Variants in SLC35D1 observed in about 807,000 individuals in gnomAD.
SLC35D1 encodes nucleotide sugar transporter SLC35D1.
In SLC35D1, 31 loss-of-function variants were observed where a neutral mutation model predicts 46.7. The observed-to-expected ratio is 0.66, with a 90% CI of 0.50 to 0.90. The LOEUF is 0.90. SLC35D1 is among the 40% of genes least tolerant of loss of function. The pLI is 0.00. For synonymous variants in SLC35D1, 195 were observed against 164.6 expected, an observed-to-expected ratio of 1.18 and a Z score of -1.41; for missense variants, 397 against 426.2, an observed-to-expected ratio of 0.93 and a Z score of 0.60.
At chr1:67,007,222 A>G (rs1018022691) in intron 11 of SLC35D1, among the ~76,000 whole-genome samples, 5 of 152,144 alleles carry the variant, frequency 3.3e-5, no homozygotes, top group Non-Finnish European at 7.4e-5. Flanking sequence ...AAACAACAGA[A>G]ATTTATTTCT....
At chr1:66,997,116 C>T (rs1256159158), downstream of SLC35D1, among the ~76,000 whole-genome samples, 1 of 152,128 alleles carries the variant, frequency 6.6e-6, no homozygotes, top group African/African-American at 2.4e-5. Flanking sequence ...AACTGGACTA[C>T]ATACAAATTT....
the SLC35D1 span, chr1:66,985,398 A>AAT: frequency 1.0e-6 from 1 of 983,634 alleles, no homozygotes; most frequent in Non-Finnish European, 1.2e-6. Context: ...TATCTTTATT[A>AAT]AGGAAACCCT....
the SLC35D1 span, among the ~76,000 whole-genome samples, chr1:66,990,920 C>T: frequency 6.6e-6 from 1 of 152,158 alleles, no homozygotes; most frequent in African/African-American, 2.4e-5. Context: ...CACATCCAAG[C>T]ACAGTGCCTC....
chr1:66,976,619 T>C, the SLC35D1 span: 1 of 1,601,422 alleles, frequency 6.2e-7, no homozygotes, highest in Non-Finnish European at 8.5e-7. Context: ...AGTTGGTGAA[T>C]GTGTAGCATT....
chr1:67,041,890 C>A (rs1645191860), intron 8 of SLC35D1, among the ~76,000 whole-genome samples: 1 of 152,092 alleles, frequency 6.6e-6, no homozygotes, highest in Non-Finnish European at 1.5e-5. Context: ...TTTACTATTT[C>A]AAGATTTTTG....
intron 8 of SLC35D1, among the ~76,000 whole-genome samples, chr1:67,041,781 A>G (rs77650521): frequency 0.056 from 8,446 of 149,978 alleles, 289 homozygotes; most frequent in African/African-American, 0.1. Context: ...ATCTCCTGAG[A>G]AAAAAAAAAC....
chr1:67,024,474 A>C (rs1667876760), intron 8 of SLC35D1, among the ~76,000 whole-genome samples: 1 of 152,174 alleles, frequency 6.6e-6, no homozygotes, highest in African/African-American at 2.4e-5. Flanking sequence ...AGCTGCCATA[A>C]CAAAGCACCA....
chr1:66,985,772 T>C, the SLC35D1 span: 2 of 948,862 alleles, frequency 2.1e-6, no homozygotes, highest in Non-Finnish European at 2.5e-6. Context: ...TTAAGTCATA[T>C]TTCTTATCCA....
At chr1:67,030,957 G>A (rs989950583) in intron 8 of SLC35D1, among the ~76,000 whole-genome samples, 2 of 152,120 alleles carry the variant, frequency 1.3e-5, no homozygotes, top group African/African-American at 2.4e-5. Context: ...CCCAGAAGAC[G>A]GGTAACTTAC....
chr1:66,976,806 T>A, the SLC35D1 span: 1 of 1,214,292 alleles, frequency 8.2e-7, no homozygotes, highest in Non-Finnish European at 1.1e-6. Flanking sequence ...ATTATTTTGA[T>A]AATCTTGCTT....
chr1:67,010,994 A>C (rs1185504536), intron 10 of SLC35D1, among the ~76,000 whole-genome samples: 1 of 152,170 alleles, frequency 6.6e-6, no homozygotes, highest in Non-Finnish European at 1.5e-5. Context: ...GGTCTAAAAA[A>C]GCATTTATCA....
At chr1:66,998,949 T>C (rs961322666), downstream of SLC35D1, among the ~76,000 whole-genome samples, 1 of 152,180 alleles carries the variant, frequency 6.6e-6, no homozygotes, top group Non-Finnish European at 1.5e-5. Flanking sequence ...CTAAACTGTA[T>C]GCTTAAAAAT....
the SLC35D1 span, chr1:66,981,741 GCT>G: frequency 7.2e-4 from 1,087 of 1,506,442 alleles, 5 homozygotes; most frequent in African/African-American, 0.013. Context: ...TTAATTTTCA[GCT>G]CTTTTTAATA....
chr1:66,980,506 T>C, the SLC35D1 span, among the ~76,000 whole-genome samples: 1 of 152,200 alleles, frequency 6.6e-6, no homozygotes, highest in African/African-American at 2.4e-5. Context: ...GATGACCATA[T>C]AGGTTGAGAT....
At chr1:67,048,192 C>T (rs2102364018) in intron 6 of SLC35D1, among the ~76,000 whole-genome samples, 1 of 152,364 alleles carries the variant, frequency 6.6e-6, no homozygotes, top group African/African-American at 2.4e-5. Context: ...CCCAAGCAGT[C>T]TAACAACCTT....
At chr1:67,015,274 A>G (rs1667661345) in intron 10 of SLC35D1, among the ~76,000 whole-genome samples, 1 of 151,792 alleles carries the variant, frequency 6.6e-6, no homozygotes, top group Non-Finnish European at 1.5e-5. Context: ...AGGCTATTTA[A>G]AAACGTATAA....
Position 67,021,671 on chromosome 1 carries a change from A to T in SLC35D1, c.730-69T>A, listed in dbSNP as rs560908033. On this transcript the variant is annotated intron_variant, in intron 8 of 11. Transcript: ENST00000235345. ...AAATCAGCTATCCCGTTTTAATGTA[A>T]ATCCTTCTACGAGTCTGCCTCCAAC... 1,480 of 1,474,106 alleles carry T rather than the reference A, an allele frequency of 1.0e-3. 33 individuals are homozygous for T. The South Asian group carries it at 0.015, about 15-fold the overall frequency. The allele number at this position is 1,474,106 out of a possible 1,614,324, so 91.3% of individuals were successfully genotyped here. A position where few individuals can be genotyped will look rare whatever the true frequency, so the allele number is the denominator to read the frequency against.
At chr1:67,007,218 CAG>C (rs2102232781) in intron 11 of SLC35D1, among the ~76,000 whole-genome samples, 1 of 152,320 alleles carries the variant, frequency 6.6e-6, no homozygotes, top group East Asian at 1.9e-4. Flanking sequence ...TTATAAACAA[CAG>C]AAATTTATTT....
At chr1:67,027,037 G>A (rs1667929012) in intron 8 of SLC35D1, among the ~76,000 whole-genome samples, 1 of 152,046 alleles carries the variant, frequency 6.6e-6, no homozygotes, top group South Asian at 2.1e-4. Flanking sequence ...ATTTGGGTGG[G>A]GACACAGCAA....
Sources: gnomAD v4.1 joint callset for allele counts (sites outside exome capture counted in the v4.1 genomes callset) on GRCh38, gnomAD v4.1.1 for gene constraint, MANE v1.5 for transcripts, NCBI Gene and HGNC (gene_info 2026-07-23, HGNC 2026-07-21) for gene names.